NUP58: variants seen among roughly 807,000 people sequenced by gnomAD.
NUP58 encodes the protein nucleoporin 58.
Under a neutral mutation model 70.1 loss-of-function variants are expected in NUP58, and 17 were observed. That is an observed-to-expected ratio of 0.24 (90% CI 0.17 to 0.36). NUP58 has a LOEUF of 0.36. Ranked by LOEUF, NUP58 falls within the 10% of genes least tolerant of loss-of-function variation. NUP58 has a pLI of 1.00. For synonymous variants in NUP58, 275 were observed against 257.6 expected (o/e 1.07, Z -0.65); for missense variants, 644 against 701.5 (o/e 0.92, Z 0.93).
rs564912863 is a variant in NUP58 at position 25,309,150 on chromosome 13, C to G, written c.251-97C>G. ...TGTTCTAATTAGAAGTGTTGTCACT[C>G]CCTGAGGGTGATTTTAAGTCTTTCC... On this transcript the variant is annotated intron_variant, in intron 2 of 15. Transcript: ENST00000381736. 20 of 867,476 alleles carry G rather than the reference C, an allele frequency of 2.3e-5. 1 individual carries two copies. The highest frequency in any genetic ancestry group is 1.8e-4 in the East Asian group (7 of 39,848). 53.7% of individuals were successfully genotyped at this position (867,476 alleles called of 1,614,324 possible).
intron 3 of NUP58, among the ~76,000 whole-genome samples, chr13:25,349,033 T>A (rs1405300436): frequency 6.6e-6 from 1 of 152,180 alleles, no homozygotes; most frequent in Non-Finnish European, 1.5e-5. Context: ...AGCATCATCT[T>A]TCCTCATCCT....
Position 25,306,511 on chromosome 13 carries a change from G to A in NUP58, c.108-1295G>A, listed in dbSNP as rs190121535. ...GGCACACAAGTACCAGAACATGGGG[G>A]GATTGGTACTGGAACCCAGCCACAC... is the stretch of plus-strand genomic sequence containing the variant. On this transcript the variant is annotated intron_variant, in intron 1 of 15. Transcript: ENST00000381736. 4.6e-3 allele frequency among the ~76,000 whole-genome samples: 701 copies of A among 152,270 alleles called. 3 individuals carry two copies. The highest frequency in any genetic ancestry group is 8.5e-3 in the Non-Finnish European group (576 of 68,018).
intron 10 of NUP58, among the ~76,000 whole-genome samples, chr13:25,326,337 T>C (rs556344718): frequency 5.6e-4 from 69 of 124,080 alleles, no homozygotes; most frequent in South Asian, 3.1e-3. Context: ...AGATACCTTC[T>C]TTTTTTTTTT....
chr13:25,331,660 AT>A, intron 13 of NUP58, 102 bp downstream of exon 13: 1 of 1,507,116 alleles, frequency 6.6e-7, no homozygotes, highest in Non-Finnish European at 8.9e-7. Flanking sequence ...AGAAATTTCT[AT>A]GAGTAGCTGT....
intron 7 of NUP58, among the ~76,000 whole-genome samples, chr13:25,319,921 A>G (rs2137770243): frequency 6.6e-6 from 1 of 152,260 alleles, no homozygotes; most frequent in East Asian, 1.9e-4. Context: ...AGAAGATTAG[A>G]GAAACTAAGA....
rs1179532343 is a variant in NUP58, at chr13:25,349,665, T to C, written n.425T>C. ...TCTGAGCAGTCCTTGAATCAACAAA[T>C]ATCTACCTTTAAGGAACTTCTAATT... On this transcript the variant is annotated non_coding_transcript_exon_variant, in exon 4 of 4. Coordinates refer to the NUP58 transcript ENST00000477876. 3 of 152,736 alleles carry C rather than the reference T, an allele frequency of 2.0e-5. No homozygotes were observed. In the East Asian group the frequency reaches 5.8e-4, roughly 29 times the overall value. The allele number at this position is 152,736 out of a possible 1,614,324, so 9.5% of individuals were successfully genotyped here.
At chr13:25,304,535 T>A (rs1170696487) in intron 1 of NUP58, among the ~76,000 whole-genome samples, 30 of 132,420 alleles carry the variant, frequency 2.3e-4, no homozygotes, top group South Asian at 1.6e-3. Flanking sequence ...TTTTTTTTTT[T>A]AAGACAGTCT....
At chr13:25,338,592 T>A (rs369911328) in intron 14 of NUP58, 44 bp from the exon 15 acceptor site, 2 of 1,383,230 alleles carry the variant, frequency 1.4e-6, no homozygotes, top group Non-Finnish European at 2.1e-6. Flanking sequence ...CTTTAACCTG[T>A]GTTTTATGTG....
intron 13 of NUP58, chr13:25,334,278 A>G: frequency 1.0e-6 from 1 of 985,376 alleles, no homozygotes; most frequent in Non-Finnish European, 1.2e-6. Flanking sequence ...TATAATTTTA[A>G]TTTAGGATAG....
Position 25,313,617 on chromosome 13 carries a change from C to T in NUP58, c.440C>T (p.Ser147Phe). The change falls in exon 5 of 16, where the codon TCC becomes TTC. Residue 147 changes from serine (S) to phenylalanine (F), a missense_variant. Ser to Phe is a radical substitution (Grantham distance 155, BLOSUM62 -2). Around this residue, in one of 4 missense-constraint regions of NUP58, gnomAD observed 430 missense variants for 409.2 expected, o/e 1.05. Coordinates refer to ENST00000381736, the MANE Select transcript of NUP58 (RefSeq NM_014089.4). ...CTTACTATCTCTCTTTTTATAGCAT[C>T]CACAGGATTTACTCTAAATAATTTG... ...SSALTSTPAA[S>F]TGFTLNNLGG... 1 of 1,495,706 alleles carries T rather than the reference C, an allele frequency of 6.7e-7. No individual in the cohort carries two copies. The highest frequency in any genetic ancestry group is 8.8e-7 in the Non-Finnish European group (1 of 1,133,376). 92.7% of individuals were successfully genotyped at this position (1,495,706 alleles called of 1,614,324 possible). A position where few individuals can be genotyped will look rare whatever the true frequency, so the allele number is the denominator to read the frequency against.
At chr13:25,346,291 C>CA (rs1259312242), downstream of NUP58, among the ~76,000 whole-genome samples, 1 of 152,056 alleles carries the variant, frequency 6.6e-6, no homozygotes, top group Non-Finnish European at 1.5e-5. Flanking sequence ...AAAACAGGCA[C>CA]AGTTGTTAAA....
intron 13 of NUP58, chr13:25,335,439 A>T: frequency 2.0e-6 from 2 of 985,270 alleles, no homozygotes; most frequent in Non-Finnish European, 1.2e-6. Flanking sequence ...AAAGAACTGG[A>T]CATGTGTTTT....
intron 1 of NUP58, among the ~76,000 whole-genome samples, chr13:25,305,129 G>GTTT (rs1566054875): frequency 8.3e-5 from 6 of 72,086 alleles, no homozygotes; most frequent in East Asian, 4.5e-4. Context: ...AGATCTGTGG[G>GTTT]GTTTTTTTTT....
chr13:25,304,907 A>G (rs888962901), intron 1 of NUP58, among the ~76,000 whole-genome samples: 2 of 152,130 alleles, frequency 1.3e-5, no homozygotes, highest in Non-Finnish European at 2.9e-5. Flanking sequence ...CAAAATAACA[A>G]TACGATCAGA....
Position 25,326,782 on chromosome 13 carries a change from T to C in NUP58, c.1032-134T>C, listed in dbSNP as rs1174944505. 7 of 481,794 alleles carry C rather than the reference T, an allele frequency of 1.5e-5. No individual in the cohort carries two copies. The East Asian group carries it at 2.0e-4, about 13-fold the overall frequency. 29.8% of individuals were successfully genotyped at this position (481,794 alleles called of 1,614,324 possible). A position where few individuals can be genotyped will look rare whatever the true frequency, so the allele number is the denominator to read the frequency against. On this transcript the variant is annotated intron_variant, in intron 10 of 15. Coordinates refer to ENST00000381736, the MANE Select transcript of NUP58 (RefSeq NM_014089.4). ...CCTTAATATCTTCCAGTCACAGTTA[T>C]TCAGTCCTTCCTTTCCTTGGATAAC...
chr13:25,317,381 A>G (rs997341561), intron 6 of NUP58, among the ~76,000 whole-genome samples: 2 of 152,178 alleles, frequency 1.3e-5, no homozygotes, highest in African/African-American at 4.8e-5. Context: ...TGACAGCCAT[A>G]TGGAAAATAG....
intron 13 of NUP58, chr13:25,334,295 T>A: frequency 1.0e-6 from 1 of 985,398 alleles, no homozygotes; most frequent in Non-Finnish European, 1.2e-6. Context: ...ATAGGTTTTT[T>A]AGCAATGTAT....
At chr13:25,346,286 A>G (rs767369052), downstream of NUP58, among the ~76,000 whole-genome samples, 2 of 152,198 alleles carry the variant, frequency 1.3e-5, no homozygotes, top group African/African-American at 4.8e-5. Context: ...GTGAGAAAAC[A>G]GGCACAGTTG....
rs142858697 is a variant in NUP58 at position 25,323,940 on chromosome 13, G to T, written c.952-1049G>T. ...GGTACAAGGGTTTTGTAGGGGCACA[G>T]AGGCCTCAAGTGGGCATTTTTATCA... On this transcript the variant is annotated intron_variant, in intron 9 of 15. Transcript: ENST00000381736. Among the ~76,000 whole-genome samples, 3 of 152,282 alleles carry T rather than the reference G, an allele frequency of 2.0e-5. No homozygotes were observed. In the East Asian group the frequency reaches 5.8e-4, roughly 29 times the overall value.
Sources: allele counts gnomAD v4.1 joint callset (sites outside exome capture counted in the v4.1 genomes callset), GRCh38; gene constraint gnomAD v4.1.1; regional missense constraint gnomAD v4.1.1; transcripts MANE v1.5; gene names NCBI Gene and HGNC (gene_info 2026-07-23, HGNC 2026-07-21).